Variants in KIF6 observed in about 807,000 individuals in gnomAD.
KIF6 encodes kinesin-like protein KIF6.
KIF6 carries 106 observed loss-of-function variants against 112.7 expected under a neutral mutation model. That is an observed-to-expected ratio of 0.94 (90% CI 0.80 to 1.11). The LOEUF is 1.11. KIF6 is among the 50% of genes least tolerant of loss of function. The pLI is 0.00. For synonymous variants in KIF6, 339 were observed against 339.9 expected, an observed-to-expected ratio of 1.00 and a Z score of 0.03; for missense variants, 929 against 964.0, an observed-to-expected ratio of 0.96 and a Z score of 0.48.
intron 13 of KIF6, among the ~76,000 whole-genome samples, chr6:39,434,442 G>A (rs564470152): frequency 2.6e-5 from 4 of 151,690 alleles, no homozygotes; most frequent in East Asian, 3.9e-4. Flanking sequence ...ATGGCAGCAC[G>A]CACCTGTAAT....
chr6:39,635,360 C>T (rs111739293), intron 4 of KIF6, among the ~76,000 whole-genome samples: 282 of 152,136 alleles, frequency 1.9e-3, no homozygotes, highest in African/African-American at 6.6e-3. Flanking sequence ...CAGATCATTA[C>T]TTTGGTTTAA....
intron 3 of KIF6, among the ~76,000 whole-genome samples, chr6:39,672,785 C>G (rs1171532890): frequency 6.6e-6 from 1 of 152,156 alleles, no homozygotes; most frequent in Non-Finnish European, 1.5e-5. Flanking sequence ...TAGGGTCCCA[C>G]TCTTATGACC....
intron 3 of KIF6, among the ~76,000 whole-genome samples, chr6:39,711,351 C>A (rs1369503809): frequency 6.6e-6 from 1 of 150,618 alleles, no homozygotes; most frequent in Non-Finnish European, 1.5e-5. Context: ...TTTCAACAAC[C>A]CTGTATGCAA....
intron 7 of KIF6, among the ~76,000 whole-genome samples, chr6:39,591,856 T>C (rs182603482): frequency 8.8e-4 from 134 of 152,280 alleles, no homozygotes; most frequent in African/African-American, 3.0e-3. Flanking sequence ...CTCACACCTG[T>C]AATCCCAGCA....
At chr6:39,538,995 C>T (rs1778621180) in intron 13 of KIF6, among the ~76,000 whole-genome samples, 1 of 146,222 alleles carries the variant, frequency 6.8e-6, no homozygotes, top group South Asian at 2.2e-4. Context: ...CATGTTCTCA[C>T]TCATAGGTGG....
intron 13 of KIF6, among the ~76,000 whole-genome samples, chr6:39,486,174 A>G (rs1194574280): frequency 6.6e-6 from 1 of 152,214 alleles, no homozygotes; most frequent in South Asian, 2.1e-4. Flanking sequence ...ATAAGATATC[A>G]CGGAAGTATC....
At chr6:39,530,006 A>G (rs1363539242) in intron 13 of KIF6, among the ~76,000 whole-genome samples, 16 of 152,126 alleles carry the variant, frequency 1.1e-4, no homozygotes, top group East Asian at 3.8e-4. Flanking sequence ...ATTTCTTCCA[A>G]TTCCTGCTTA....
In KIF6 at chr6:39,391,488, C is replaced by A. The variant is rs140351603; in HGVS notation, c.1811-5816G>T. On this transcript the variant is annotated intron_variant, in intron 15 of 22. Transcript: ENST00000287152. ...TCTCCAGCTGCTAAGCCCAGCTGCT[C>A]ACGGGCTCTATACAGGGTCTGCTCA... 1.8e-3 allele frequency among the ~76,000 whole-genome samples: 268 copies of A among 152,306 alleles called. 1 individual carries two copies. The highest frequency in any genetic ancestry group is 0.014 in the Middle Eastern group (4 of 294).
intron 13 of KIF6, among the ~76,000 whole-genome samples, chr6:39,481,890 C>A (rs1228376580): frequency 6.6e-6 from 1 of 152,066 alleles, no homozygotes; most frequent in Non-Finnish European, 1.5e-5. Flanking sequence ...GCATTTTGAG[C>A]CCATTCTGAT....
At chr6:39,553,689 T>C (rs1423787571) in intron 10 of KIF6, 1 of 152,258 alleles carries the variant, frequency 6.6e-6, no homozygotes, top group Non-Finnish European at 1.5e-5. Context: ...GATTTTCATA[T>C]ATCCAATTTA....
chr6:39,343,641 A>G lies in KIF6; in HGVS notation c.2428+68T>C. 1.5e-6 allele frequency: 2 copies of G among 1,307,258 alleles called. No homozygotes were observed. The highest frequency in any genetic ancestry group is 2.1e-6 in the Non-Finnish European group (2 of 932,242). 81.0% of individuals were successfully genotyped at this position (1,307,258 alleles called of 1,614,324 possible). On this transcript the variant is annotated intron_variant, in intron 22 of 22. Transcript: ENST00000287152. The surrounding 1 kb of genome is among the most constrained non-coding windows in gnomAD (Gnocchi z 4.1). ...AAACTCCCTACTCCCCTCCCACCTC[A>G]CTGTGTGCTCCCCACAAGTGTTGGT... is the stretch of plus-strand genomic sequence containing the variant.
intron 13 of KIF6, among the ~76,000 whole-genome samples, chr6:39,443,722 G>A (rs933978067): frequency 6.6e-5 from 10 of 152,052 alleles, no homozygotes; most frequent in African/African-American, 2.4e-4. Context: ...GGAATTATAG[G>A]TGTGAGCCAC....
At chr6:39,723,001 C>T (rs144763132) in intron 1 of KIF6, among the ~76,000 whole-genome samples, 2 of 152,338 alleles carry the variant, frequency 1.3e-5, no homozygotes, top group South Asian at 2.1e-4. Context: ...CCCACCCCTA[C>T]CCATCCTGTC....
At chr6:39,345,912 C>T (rs894379149) in intron 20 of KIF6, 123 bp from the exon 21 acceptor site, 2 of 670,158 alleles carry the variant, frequency 3.0e-6, no homozygotes, top group African/African-American at 3.6e-5. Context: ...TATGTGGACA[C>T]CCTAATTCCC....
rs371763508 is a variant in KIF6 at position 39,415,187 on chromosome 6, A to AAAAC, written c.1810+4757_1810+4760dup. 2.5e-3 allele frequency among the ~76,000 whole-genome samples: 381 copies of AAAAC among 152,144 alleles called. 1 individual carries two copies. Among genetic ancestry groups the AAAAC allele is most frequent in the African/African-American group, 8.4e-3 (347 of 41,492 alleles). On this transcript the variant is annotated intron_variant, in intron 15 of 22. Transcript: ENST00000287152. ...GGATGACAGAGTGAAACTCTGTCTC[A>AAAAC]AAACAAACAAACAAAGAAACAAAAC...
rs139174096 is a variant in KIF6, at chr6:39,485,527, G to A, written c.1646-54366C>T. Among the ~76,000 whole-genome samples the A allele has an allele frequency of 9.9e-5, 15 of 152,176 alleles. No individual in the cohort carries two copies. The East Asian group carries it at 2.9e-3, about 29-fold the overall frequency. On this transcript the variant is annotated intron_variant, in intron 13 of 22. Transcript: ENST00000287152. ...CTTTGATCCCCAGCACTTAGAACAG[G>A]GCTTGACACATAGTAGGCCAGGAAT...
chr6:39,403,942 G>A (rs1283906307), intron 15 of KIF6, among the ~76,000 whole-genome samples: 1 of 152,098 alleles, frequency 6.6e-6, no homozygotes, highest in Non-Finnish European at 1.5e-5. Context: ...CCATCTGTAC[G>A]TCCTTTTTGG....
intron 3 of KIF6, chr6:39,690,941 A>G (rs1788172131): frequency 6.6e-6 from 1 of 152,314 alleles, no homozygotes; most frequent in African/African-American, 2.4e-5. Context: ...GGTTGCAGGC[A>G]TAAGGGTTTT....
chr6:39,543,007 G>A (rs951398006), intron 12 of KIF6, among the ~76,000 whole-genome samples: 1 of 152,194 alleles, frequency 6.6e-6, no homozygotes, highest in Admixed American at 6.5e-5. Context: ...CACATGAATG[G>A]TGATGCCTGG....
Sources: gnomAD v4.1 joint callset for allele counts (sites outside exome capture counted in the v4.1 genomes callset) on GRCh38, gnomAD v4.1.1 for gene constraint, Gnocchi (gnomAD v3.1) non-coding constraint, MANE v1.5 for transcripts, NCBI Gene and HGNC (gene_info 2026-07-23, HGNC 2026-07-21) for gene names.